The following AGMO variants were observed in gnomAD, a reference collection of about 807,000 sequenced individuals.
AGMO encodes glyceryl-ether monooxygenase.
AGMO carries 75 observed loss-of-function variants against 60.2 expected under a neutral mutation model. The ratio of observed to expected loss-of-function variants is 1.25; its 90% CI spans 1.03 to 1.51. AGMO has a LOEUF of 1.51. Ranked by LOEUF, AGMO falls within the 40% of genes most tolerant of loss-of-function variation. The probability of loss-of-function intolerance (pLI) is 0.00; values close to 1 mark genes in which losing one functional copy is unlikely to be tolerated. For synonymous variants in AGMO, 261 were observed against 177.1 expected (o/e 1.47, Z -3.76); for missense variants, 763 against 525.5 (o/e 1.45, Z -4.42).
chr7:15,533,921 A>C (rs753996648), intron 3 of AGMO, among the ~76,000 whole-genome samples: 1 of 152,248 alleles, frequency 6.6e-6, no homozygotes, highest in Non-Finnish European at 1.5e-5. Context: ...ATGTAGCACA[A>C]GCTATATATT....
chr7:15,284,466 T>C (rs1364386377), intron 12 of AGMO, among the ~76,000 whole-genome samples: 5 of 151,936 alleles, frequency 3.3e-5, no homozygotes, highest in Non-Finnish European at 2.9e-5. Flanking sequence ...AACTAAAAAA[T>C]CTAGAGGAAA....
intron 12 of AGMO, among the ~76,000 whole-genome samples, chr7:15,288,986 T>A (rs1005949967): frequency 6.6e-6 from 1 of 151,972 alleles, no homozygotes; most frequent in African/African-American, 2.4e-5. Context: ...ATTTGCTAAG[T>A]GTGCTGTTGT....
At chr7:15,367,340 A>T (rs993593887) in intron 10 of AGMO, among the ~76,000 whole-genome samples, 11 of 152,000 alleles carry the variant, frequency 7.2e-5, no homozygotes, top group African/African-American at 2.4e-4. Flanking sequence ...ATATATTAAA[A>T]TTTAATGTTT....
At chr7:15,377,349 C>A (rs181132013) in intron 10 of AGMO, among the ~76,000 whole-genome samples, 1 of 151,948 alleles carries the variant, frequency 6.6e-6, no homozygotes, top group Non-Finnish European at 1.5e-5. Context: ...CTTGATATTT[C>A]TCTTCGTCAA....
At chr7:15,187,121 C>T in the AGMO span, among the ~76,000 whole-genome samples, 13 of 152,130 alleles carry the variant, frequency 8.5e-5, no homozygotes, top group Non-Finnish European at 7.4e-5. Flanking sequence ...GTCTTTCAGA[C>T]GTCTCAAGAT....
chr7:15,307,338 T>A (rs1463578279), intron 12 of AGMO, among the ~76,000 whole-genome samples: 4 of 152,050 alleles, frequency 2.6e-5, no homozygotes, highest in African/African-American at 4.8e-5. Context: ...TGGTAAAAAG[T>A]TAAAATAGGC....
At chr7:15,529,030 C>T (rs1034111594) in intron 3 of AGMO, among the ~76,000 whole-genome samples, 1 of 151,786 alleles carries the variant, frequency 6.6e-6, no homozygotes, top group African/African-American at 2.4e-5. Flanking sequence ...TTAAAAGACA[C>T]AAAAAGACAA....
chr7:15,294,580 A>C (rs111263931), intron 12 of AGMO, among the ~76,000 whole-genome samples: 1 of 152,002 alleles, frequency 6.6e-6, no homozygotes, highest in Non-Finnish European at 1.5e-5. Flanking sequence ...TTAAAATAAT[A>C]CTACAAAATA....
chr7:15,440,578 T>A (rs1423836446), intron 3 of AGMO, among the ~76,000 whole-genome samples: 1 of 152,198 alleles, frequency 6.6e-6, no homozygotes, highest in Non-Finnish European at 1.5e-5. Context: ...ATTTTCCATA[T>A]TTAGGTGTTA....
At chr7:15,362,749 T>G (rs1284689164) in intron 12 of AGMO, among the ~76,000 whole-genome samples, 1 of 152,196 alleles carries the variant, frequency 6.6e-6, no homozygotes, top group Non-Finnish European at 1.5e-5. Flanking sequence ...CAGAGGTAAA[T>G]TATTCAAACC....
At chr7:15,313,807 A>C (rs1780835919) in intron 12 of AGMO, among the ~76,000 whole-genome samples, 1 of 151,924 alleles carries the variant, frequency 6.6e-6, no homozygotes, top group Admixed American at 6.6e-5. Context: ...TATTAATAAC[A>C]ATAACTAATA....
At chr7:15,182,340 G>T in the AGMO span, among the ~76,000 whole-genome samples, 1 of 152,100 alleles carries the variant, frequency 6.6e-6, no homozygotes, top group Non-Finnish European at 1.5e-5. Flanking sequence ...CTTACAAATG[G>T]TTCGAATGAT....
At chr7:15,519,652 G>T (rs1202379393) in intron 3 of AGMO, among the ~76,000 whole-genome samples, 1 of 152,122 alleles carries the variant, frequency 6.6e-6, no homozygotes, top group African/African-American at 2.4e-5. Flanking sequence ...AGCTCCTGAA[G>T]GAAGCACTAA....
Position 15,312,087 on chromosome 7 carries a change from GAGAA to G in AGMO, c.1263+53423_1263+53426del, listed in dbSNP as rs1274689805. 2.0e-5 allele frequency among the ~76,000 whole-genome samples: 3 copies of G among 151,996 alleles called. No individual in the cohort carries two copies. The East Asian group carries it at 5.8e-4, about 29-fold the overall frequency. On this transcript the variant is annotated intron_variant, in intron 12 of 12. Coordinates refer to ENST00000342526, the MANE Select transcript of AGMO (RefSeq NM_001004320.2). ...AAAAAGAGAATGAGACAGGGAGAGA[GAGAA>G]AGAAAGAGAAACAAACTTAAGAGAC...
At chr7:15,408,447 A>C (rs746692537) in intron 5 of AGMO, among the ~76,000 whole-genome samples, 16 of 151,940 alleles carry the variant, frequency 1.1e-4, no homozygotes, top group Non-Finnish European at 2.2e-4. Flanking sequence ...ATGAAGGATT[A>C]TAAATTCAGG....
intron 12 of AGMO, among the ~76,000 whole-genome samples, chr7:15,300,273 T>C (rs935091030): frequency 2.1e-5 from 3 of 144,084 alleles, no homozygotes; most frequent in African/African-American, 8.6e-5. Flanking sequence ...AGCAAATAAG[T>C]CTACTAAAGT....
At chr7:15,365,380 T>TAAAAAGAAAAAAAAAAA (rs1782931604) in intron 12 of AGMO, 134 bp downstream of exon 12, 2 of 210,468 alleles carry the variant, frequency 9.5e-6, no homozygotes, top group Non-Finnish European at 8.0e-6. Flanking sequence ...TACTGGTAAG[T>TAAAAAGAAAAAAAAAAA]AAAAAAAAAA....
At chr7:15,494,734 G>T (rs550644718) in intron 3 of AGMO, among the ~76,000 whole-genome samples, 4 of 152,302 alleles carry the variant, frequency 2.6e-5, no homozygotes, top group East Asian at 1.9e-4. Context: ...TAACAGAAAA[G>T]ATCTTGACTT....
chr7:15,547,992 A>C (rs1403214500), intron 2 of AGMO, among the ~76,000 whole-genome samples: 1 of 146,758 alleles, frequency 6.8e-6, no homozygotes, highest in Non-Finnish European at 1.6e-5. Flanking sequence ...CTGCCTCCTC[A>C]AGTGGGTCCC....
Sources: gnomAD v4.1 joint callset for allele counts (sites outside exome capture counted in the v4.1 genomes callset) on GRCh38, gnomAD v4.1.1 for gene constraint, MANE v1.5 for transcripts, NCBI Gene and HGNC (gene_info 2026-07-23, HGNC 2026-07-21) for gene names.